The following NOX4 variants were observed in gnomAD, a reference collection of about 807,000 sequenced individuals.
The protein encoded by NOX4 is kidney oxidase-1.
Under a neutral mutation model 87.6 loss-of-function variants are expected in NOX4, and 69 were observed. The ratio of observed to expected loss-of-function variants is 0.79; its 90% CI spans 0.65 to 0.96. The LOEUF (loss-of-function observed/expected upper bound fraction) is 0.96, where lower values mean the gene tolerates loss of function less well. NOX4 is among the 40% of genes least tolerant of loss of function. The pLI is 0.00. For missense variants in NOX4, 680 were observed against 681.5 expected (o/e 1.00, Z 0.02); for synonymous variants, 275 against 238.2 (o/e 1.15, Z -1.42).
chr11:89,376,620 C>T (rs565442205), intron 11 of NOX4, among the ~76,000 whole-genome samples: 8 of 152,132 alleles, frequency 5.3e-5, no homozygotes, highest in South Asian at 2.1e-4. Context: ...CAGTGGCTCA[C>T]GCCTGTAATC....
intron 2 of NOX4, among the ~76,000 whole-genome samples, chr11:89,476,551 TA>T (rs5793405): frequency 0.22 from 33,781 of 151,944 alleles, 5,078 homozygotes; most frequent in African/African-American, 0.43. Flanking sequence ...AACAAGTAAC[TA>T]AAAAAATGCT....
At chr11:89,520,916 C>G in the NOX4 span, among the ~76,000 whole-genome samples, 420 of 152,124 alleles carry the variant, frequency 2.8e-3, 2 homozygotes, top group Admixed American at 6.4e-3. Flanking sequence ...AGCTGACAGC[C>G]AAATCAAGAA....
chr11:89,560,996 C>CTCTCTCTCTCTCTATATATA, the NOX4 span, among the ~76,000 whole-genome samples: 1 of 40,822 alleles, frequency 2.4e-5, no homozygotes, highest in African/African-American at 1.3e-4. Flanking sequence ...CTCTCTCTCT[C>CTCTCTCTCTCTCTATATATA]TATATATATA....
intron 6 of NOX4, among the ~76,000 whole-genome samples, chr11:89,439,279 T>G (rs1169800388): frequency 6.6e-6 from 1 of 151,800 alleles, no homozygotes; most frequent in Non-Finnish European, 1.5e-5. Context: ...ACGTAAAGTT[T>G]TCTTTTTCTG....
At position 89,386,810 on chromosome 11, in the gene NOX4, C is replaced by A. The variant is rs540519992; in HGVS notation, c.1074+13207G>T. Among the ~76,000 whole-genome samples the A allele has an allele frequency of 5.3e-5, 8 of 152,198 alleles. No homozygotes were observed. The South Asian group carries it at 1.7e-3, about 32-fold the overall frequency. On this transcript the variant is annotated intron_variant, in intron 11 of 17. Coordinates refer to ENST00000263317, the MANE Select transcript of NOX4 (RefSeq NM_016931.5). ...CAACCAAGCAAGTAATTATGCTGAA[C>A]CCCCTTGGACACTCTCTAATTGGAT...
chr11:89,350,070 C>T (rs1002162445), intron 13 of NOX4, among the ~76,000 whole-genome samples: 4 of 152,140 alleles, frequency 2.6e-5, no homozygotes, highest in Non-Finnish European at 5.9e-5. Context: ...TTCCACTCAT[C>T]TGTCTCTTTC....
At chr11:89,447,257 A>T (rs1245866446) in intron 4 of NOX4, among the ~76,000 whole-genome samples, 2 of 152,162 alleles carry the variant, frequency 1.3e-5, no homozygotes, top group African/African-American at 4.8e-5. Context: ...TAATCCTTTC[A>T]TATTAAATTA....
rs188693058 is a variant in NOX4, at chr11:89,487,408, A to G, written c.153+3050T>C. 1.9e-4 allele frequency among the ~76,000 whole-genome samples: 28 copies of G among 149,482 alleles called. No individual in the cohort carries two copies. In the East Asian group the frequency reaches 5.5e-3, roughly 29 times the overall value. On this transcript the variant is annotated intron_variant, in intron 2 of 17. Coordinates refer to ENST00000263317, the MANE Select transcript of NOX4 (RefSeq NM_016931.5). ...CTGTTTCTCATTGTCTGTGTCTTCC[A>G]ATAAATGGACCATATTCTGTGGGTC...
At chr11:89,487,663 C>T (rs1946684632) in intron 2 of NOX4, among the ~76,000 whole-genome samples, 1 of 152,190 alleles carries the variant, frequency 6.6e-6, no homozygotes, top group Non-Finnish European at 1.5e-5. Flanking sequence ...AGGAATCCCA[C>T]ATGCGTATAC....
chr11:89,367,938 T>C (rs1939131113), intron 12 of NOX4, among the ~76,000 whole-genome samples: 1 of 152,058 alleles, frequency 6.6e-6, no homozygotes, highest in Non-Finnish European at 1.5e-5. Context: ...TCCCCCACTC[T>C]AGGCAAGTTC....
intron 2 of NOX4, among the ~76,000 whole-genome samples, chr11:89,470,535 ATCAGAAC>A (rs1945887112): frequency 6.6e-6 from 1 of 152,170 alleles, no homozygotes; most frequent in African/African-American, 2.4e-5. Flanking sequence ...AAGATCTGGA[ATCAGAAC>A]TCAGGACATA....
chr11:89,546,226 A>G, the NOX4 span, among the ~76,000 whole-genome samples: 156 of 152,132 alleles, frequency 1.0e-3, no homozygotes, highest in African/African-American at 3.4e-3. Flanking sequence ...ATAACTATTT[A>G]TAACTACTAT....
intron 2 of NOX4, among the ~76,000 whole-genome samples, chr11:89,473,621 TA>T (rs1946042645): frequency 6.6e-6 from 1 of 152,164 alleles, no homozygotes; most frequent in Admixed American, 6.6e-5. Flanking sequence ...AAGCATAGCC[TA>T]CTTAAACATA....
chr11:89,353,336 C>T (rs563047566), intron 13 of NOX4, among the ~76,000 whole-genome samples: 4 of 152,188 alleles, frequency 2.6e-5, no homozygotes, highest in Admixed American at 1.3e-4. Flanking sequence ...AAGAAATTGC[C>T]GCAGGTGCCC....
At chr11:89,454,837 T>C (rs1004754838) in intron 2 of NOX4, among the ~76,000 whole-genome samples, 18 of 152,130 alleles carry the variant, frequency 1.2e-4, no homozygotes, top group African/African-American at 3.6e-4. Context: ...AAAAACCTTG[T>C]AAAGTAAGAA....
intron 2 of NOX4, among the ~76,000 whole-genome samples, chr11:89,454,421 T>A (rs577411523): frequency 5.9e-5 from 9 of 152,224 alleles, no homozygotes; most frequent in African/African-American, 2.2e-4. Context: ...CAAGAAATCC[T>A]GAATTCAATG....
chr11:89,521,923 A>G, the NOX4 span, among the ~76,000 whole-genome samples: 1 of 152,180 alleles, frequency 6.6e-6, no homozygotes, highest in African/African-American at 2.4e-5. Context: ...CAACAAACGA[A>G]AAATGCTCAA....
At chr11:89,340,606 G>A (rs1945944720) in intron 14 of NOX4, among the ~76,000 whole-genome samples, 1 of 152,186 alleles carries the variant, frequency 6.6e-6, no homozygotes. Context: ...TCTTGCCCTG[G>A]CTTTTTGGCA....
chr11:89,428,800 G>T (rs1172264967), intron 7 of NOX4, among the ~76,000 whole-genome samples: 2 of 152,136 alleles, frequency 1.3e-5, no homozygotes, highest in African/African-American at 2.4e-5. Flanking sequence ...ACATTAGACA[G>T]ATCAACGAGA....
Sources: allele counts gnomAD v4.1 joint callset (sites outside exome capture counted in the v4.1 genomes callset), GRCh38; gene constraint gnomAD v4.1.1; transcripts MANE v1.5; gene names NCBI Gene and HGNC (gene_info 2026-07-23, HGNC 2026-07-21).